Variants in PCDH11Y observed in about 807,000 individuals in gnomAD.
PCDH11Y encodes the protein protocadherin 11 Y-linked.
For synonymous variants in PCDH11Y, 9 were observed against 83.6 expected, an observed-to-expected ratio of 0.11 and a Z score of 4.87; for missense variants, 12 against 224.8, an observed-to-expected ratio of 0.05 and a Z score of 6.05.
At chrY:5,293,483 T>C (rs2124662213) in intron 2 of PCDH11Y, among the ~76,000 whole-genome samples, 1 of 32,834 alleles carries the variant, frequency 3.0e-5, no homozygotes, top group South Asian at 6.9e-4. Context: ...GTTTTGTGAC[T>C]TATTATATGG....
At chrY:5,691,075 A>T in intron 4 of PCDH11Y, among the ~76,000 whole-genome samples, 1 of 33,336 alleles carries the variant, frequency 3.0e-5, no homozygotes, top group South Asian at 6.6e-4. Flanking sequence ...CCAATATTTA[A>T]TAGGGTTGGT....
chrY:5,560,968 A>G (rs2053428146), intron 3 of PCDH11Y, among the ~76,000 whole-genome samples: 1 of 33,654 alleles, frequency 3.0e-5, no homozygotes. Context: ...ACAACAGCCT[A>G]TGAAAGCAGC....
At chrY:5,029,215 A>G (rs2052584938) in intron 1 of PCDH11Y, among the ~76,000 whole-genome samples, 1 of 32,763 alleles carries the variant, frequency 3.1e-5, no homozygotes, top group Admixed American at 2.8e-4. Flanking sequence ...AAAATTTTTT[A>G]TGATAAACAT....
chrY:5,406,101 T>C (rs2053238429), intron 2 of PCDH11Y, among the ~76,000 whole-genome samples: 2 of 31,106 alleles, frequency 6.4e-5, no homozygotes, highest in African/African-American at 2.5e-4. Flanking sequence ...AAATCATGAC[T>C]TAGTCTACCA....
At chrY:5,434,330 C>T (rs2053271631) in intron 2 of PCDH11Y, among the ~76,000 whole-genome samples, 1 of 32,603 alleles carries the variant, frequency 3.1e-5, no homozygotes, top group Non-Finnish European at 7.5e-5. Context: ...CTGTGGCAAT[C>T]GGCTAGTGAG....
chrY:5,242,425 T>TA (rs2052989651), intron 2 of PCDH11Y, among the ~76,000 whole-genome samples: 16 of 27,601 alleles, frequency 5.8e-4, no homozygotes, highest in African/African-American at 2.1e-3. Flanking sequence ...CCTTCAGATT[T>TA]AAAAAAAAAA....
At chrY:5,524,565 A>T in intron 3 of PCDH11Y, among the ~76,000 whole-genome samples, 1 of 32,978 alleles carries the variant, frequency 3.0e-5, no homozygotes, top group Non-Finnish European at 7.5e-5. Context: ...TACTTTTAAA[A>T]TTTTACTTTA....
chrY:5,073,261 A>G, intron 1 of PCDH11Y, among the ~76,000 whole-genome samples: 4 of 32,557 alleles, frequency 1.2e-4, no homozygotes, highest in Non-Finnish European at 2.2e-4. Flanking sequence ...TTCAGGCCCT[A>G]CTTCCATTGG....
At chrY:5,095,084 A>G (rs2052748095) in intron 1 of PCDH11Y, among the ~76,000 whole-genome samples, 1 of 33,287 alleles carries the variant, frequency 3.0e-5, no homozygotes, top group African/African-American at 1.2e-4. Flanking sequence ...GAAATGCACA[A>G]ACATAAATAC....
At chrY:5,440,754 TATATAGAG>T (rs2053280224) in intron 2 of PCDH11Y, among the ~76,000 whole-genome samples, 2 of 17,051 alleles carry the variant, frequency 1.2e-4, no homozygotes, top group Non-Finnish European at 2.6e-4. Flanking sequence ...TATATATATA[TATATAGAG>T]AGAGAGAGAG....
intron 3 of PCDH11Y, among the ~76,000 whole-genome samples, chrY:5,552,879 C>T: frequency 3.3e-5 from 1 of 30,298 alleles, no homozygotes; most frequent in Non-Finnish European, 7.8e-5. Context: ...CTCTCCCTTC[C>T]TTCCTTCCTA....
chrY:5,571,984 T>G, intron 3 of PCDH11Y, among the ~76,000 whole-genome samples: 1 of 32,763 alleles, frequency 3.1e-5, no homozygotes, highest in Non-Finnish European at 7.5e-5. Context: ...ACACATTAAC[T>G]ATCTTCACTT....
intron 2 of PCDH11Y, among the ~76,000 whole-genome samples, chrY:5,418,027 G>C: frequency 3.1e-5 from 1 of 32,785 alleles, no homozygotes; most frequent in Non-Finnish European, 7.5e-5. Context: ...ATCATTTTAC[G>C]TAGTAATTTT....
At chrY:5,270,278 C>T (rs2053033338) in intron 2 of PCDH11Y, among the ~76,000 whole-genome samples, 2 of 27,341 alleles carry the variant, frequency 7.3e-5, no homozygotes, top group Non-Finnish European at 1.7e-4. Context: ...AAGGCCAAGG[C>T]GAGTGGATCA....
At chrY:5,373,431 T>C (rs1602914278) in intron 2 of PCDH11Y, among the ~76,000 whole-genome samples, 2 of 28,495 alleles carry the variant, frequency 7.0e-5, no homozygotes, top group Non-Finnish European at 1.6e-4. Flanking sequence ...AGTGATCCAC[T>C]GCGTGGGTCT....
chrY:5,153,603 C>G, intron 2 of PCDH11Y, among the ~76,000 whole-genome samples: 1 of 31,707 alleles, frequency 3.2e-5, no homozygotes, highest in Non-Finnish European at 7.8e-5. Flanking sequence ...TAAGCCCCAA[C>G]AACAGAAATT....
intron 1 of PCDH11Y, among the ~76,000 whole-genome samples, chrY:5,071,079 A>G: frequency 9.1e-5 from 3 of 33,131 alleles, no homozygotes; most frequent in Admixed American, 2.8e-4. Context: ...CAATACATAT[A>G]TCCCAGTGTT....
At chrY:5,643,820 T>C in intron 4 of PCDH11Y, among the ~76,000 whole-genome samples, 1 of 29,915 alleles carries the variant, frequency 3.3e-5, no homozygotes. Flanking sequence ...AGCAGTAGTT[T>C]TCAGCATGAA....
At chrY:5,564,734 T>A in intron 3 of PCDH11Y, among the ~76,000 whole-genome samples, 1 of 33,238 alleles carries the variant, frequency 3.0e-5, no homozygotes, top group South Asian at 6.6e-4. Context: ...ATTTGCATAA[T>A]TTTTTAAATA....
Sources: allele counts gnomAD v4.1 joint callset (sites outside exome capture counted in the v4.1 genomes callset), GRCh38; gene constraint gnomAD v4.1.1; transcripts MANE v1.5; gene names NCBI Gene and HGNC (gene_info 2026-07-23, HGNC 2026-07-21).